Variants in ATP2A2 observed in about 807,000 individuals in gnomAD.
ATP2A2 encodes sarcoplasmic/endoplasmic reticulum calcium ATPase 2.
A neutral mutation model predicts 109.3 loss-of-function variants in ATP2A2; 14 were observed. The ratio of observed to expected loss-of-function variants is 0.13; its 90% CI spans 0.08 to 0.20. The LOEUF (loss-of-function observed/expected upper bound fraction) is 0.20. ATP2A2 is among the 10% of genes least tolerant of loss of function. The pLI, the probability that ATP2A2 is intolerant of heterozygous loss-of-function variation, is 1.00. For missense variants in ATP2A2, 657 were observed against 1,321.6 expected (o/e 0.50, Z 7.80); for synonymous variants, 506 against 490.9 (o/e 1.03, Z -0.41).
chr12:110,339,859 C>T lies in ATP2A2; in HGVS notation c.1761+138C>T, dbSNP rs1358681789. The T allele has an allele frequency of 2.3e-6, 2 of 878,110 alleles. No individual in the cohort carries two copies. Among genetic ancestry groups the T allele is most frequent in the Admixed American group, 2.3e-5 (1 of 44,068 alleles). 54.4% of individuals were successfully genotyped at this position (878,110 alleles called of 1,614,324 possible). A position where few individuals can be genotyped will look rare whatever the true frequency, so the allele number is the denominator to read the frequency against. ...GGTTATTTGTTTTTCTGCCTGCCAG[C>T]TGTGTCACCCTTAAAATTTGCTGCT... On this transcript the variant is annotated intron_variant, in intron 13 of 19. Coordinates refer to ENST00000539276, the MANE Select transcript of ATP2A2 (RefSeq NM_170665.4). This position sits in a 1 kb window ranked among gnomAD's most constrained non-coding sequence, Gnocchi z 4.4.
chr12:110,349,238 G>T lies in ATP2A2; in HGVS notation c.*2768G>T. Reference sequence around the variant, plus strand: ...ACCCATAAAGACCAGGTCCAGCACCGTGGTCTTGGCACATCCCTGGCCTCA... The same window carrying T: ...ACCCATAAAGACCAGGTCCAGCACCTTGGTCTTGGCACATCCCTGGCCTCA... On this transcript the variant is annotated 3_prime_UTR_variant, in exon 20 of 20. Transcript: ENST00000539276. 1 of 985,550 alleles carries T rather than the reference G, an allele frequency of 1.0e-6. No individual in the cohort carries two copies. The highest frequency in any genetic ancestry group is 1.2e-6 in the Non-Finnish European group (1 of 830,018). The allele number at this position is 985,550 out of a possible 1,614,324, so 61.1% of individuals were successfully genotyped here.
chr12:110,320,363 G>T (rs1488510607), intron 5 of ATP2A2, among the ~76,000 whole-genome samples: 1 of 152,170 alleles, frequency 6.6e-6, no homozygotes, highest in Non-Finnish European at 1.5e-5. Flanking sequence ...TTGGACAGAA[G>T]TCTTCTACTC....
Position 110,333,282 on chromosome 12 carries a change from A to G in ATP2A2, c.1286A>G (p.Glu429Gly). Reference sequence around the variant, plus strand: ...AATGACTCTGCTTTGGATTACAATGAGGTAAGTCTCTTCATAAATTAGAAG... The same window carrying G: ...AATGACTCTGCTTTGGATTACAATGGGGTAAGTCTCTTCATAAATTAGAAG... ...LCNDSALDYN[E>G]AKGVYEKVGE... is the part of the protein sequence containing the mutation. Residue 429 changes from glutamate (E) to glycine (G), a missense_variant and splice_region_variant, in exon 10 of 20, where the codon GAG (glutamate) becomes GGG (glycine). Physicochemically the swap from Glu to Gly is moderately conservative, Grantham distance 98 (BLOSUM62 -2). This residue lies in a region of ATP2A2 where 180 missense variants were observed against 329.1 expected (regional missense o/e 0.55). Coordinates refer to ENST00000539276, the MANE Select transcript of ATP2A2 (RefSeq NM_170665.4). The G allele has an allele frequency of 6.2e-7, 1 of 1,606,984 alleles. No homozygotes were observed. Among genetic ancestry groups the G allele is most frequent in the South Asian group, 1.1e-5 (1 of 90,926 alleles).
At position 110,339,441 on chromosome 12, in the gene ATP2A2, G is replaced by C; in HGVS notation, c.1542+38G>C. ...GATTGCAATTGAGATGTTCTTGCCA[G>C]GGTTAAGATCCCGGTGAACCAATAA... On this transcript the variant is annotated intron_variant, in intron 12 of 19. Transcript: ENST00000539276. The surrounding 1 kb of genome is among the most constrained non-coding windows in gnomAD (Gnocchi z 4.4). 1 of 1,614,142 alleles carries C rather than the reference G, an allele frequency of 6.2e-7. No homozygotes were observed.
intron 5 of ATP2A2, among the ~76,000 whole-genome samples, chr12:110,317,443 CTG>C (rs1449958040): frequency 3.3e-5 from 5 of 152,052 alleles, no homozygotes; most frequent in African/African-American, 9.7e-5. Context: ...TGGAGTCTCA[CTG>C]TGTCACCCAG....
intron 5 of ATP2A2, among the ~76,000 whole-genome samples, chr12:110,301,653 C>G (rs961074212): frequency 2.6e-5 from 4 of 152,348 alleles, no homozygotes; most frequent in Admixed American, 1.3e-4. Context: ...ATTCTCCACA[C>G]AAGTGCCAGA....
At chr12:110,344,370 T>A (rs1879641938) in intron 16 of ATP2A2, among the ~76,000 whole-genome samples, 1 of 152,202 alleles carries the variant, frequency 6.6e-6, no homozygotes, top group Non-Finnish European at 1.5e-5. Flanking sequence ...TCCCAGAAGC[T>A]GCTGAGGGCA....
chr12:110,349,153 G>A lies in ATP2A2; in HGVS notation c.*2683G>A, dbSNP rs1428708345. 10 of 985,376 alleles carry A rather than the reference G, an allele frequency of 1.0e-5. No homozygotes were observed. Among genetic ancestry groups the A allele is most frequent in the African/African-American group, 1.7e-5 (1 of 57,226 alleles). 61.0% of individuals were successfully genotyped at this position (985,376 alleles called of 1,614,324 possible). On this transcript the variant is annotated 3_prime_UTR_variant, in exon 20 of 20. Coordinates refer to ENST00000539276, the MANE Select transcript of ATP2A2 (RefSeq NM_170665.4). Reference sequence around the variant, plus strand: ...ACTGCTGTTTTGAGCAGGGCCACTTGCTCCATTTCACTGAAGGCTTTGCTG... The same window carrying A: ...ACTGCTGTTTTGAGCAGGGCCACTTACTCCATTTCACTGAAGGCTTTGCTG...
At chr12:110,302,061 G>A (rs1874713090) in intron 5 of ATP2A2, among the ~76,000 whole-genome samples, 1 of 152,092 alleles carries the variant, frequency 6.6e-6, no homozygotes, top group African/African-American at 2.4e-5. Context: ...AATAATGTTT[G>A]ATCTATAGTG....
chr12:110,331,005 A>C (rs1566231737), intron 8 of ATP2A2: 3 of 152,210 alleles, frequency 2.0e-5, no homozygotes, highest in Admixed American at 6.5e-5. Context: ...GCACTTTGGG[A>C]GGCCGAGGCG....
chr12:110,334,319 C>A, intron 11 of ATP2A2, 176 bp downstream of exon 11: 2 of 859,962 alleles, frequency 2.3e-6, no homozygotes, highest in Non-Finnish European at 1.8e-6. Context: ...TGTATTTGAC[C>A]AGGAAAATAA....
intron 3 of ATP2A2, among the ~76,000 whole-genome samples, chr12:110,288,101 CTTTTTTTTTT>C (rs71083111): frequency 1.7e-4 from 15 of 87,300 alleles, no homozygotes; most frequent in Middle Eastern, 0.011. Context: ...ATGCTTTGCC[CTTTTTTTTTT>C]TTTTTTTTTT....
At chr12:110,321,979 C>T (rs1165555071) in intron 5 of ATP2A2, among the ~76,000 whole-genome samples, 1 of 152,082 alleles carries the variant, frequency 6.6e-6, no homozygotes, top group Non-Finnish European at 1.5e-5. Context: ...GTTTATTATT[C>T]ATTTAATTGA....
rs931700833 is a variant in ATP2A2, at chr12:110,351,079, C to T, written c.*4609C>T. 6 of 152,324 alleles carry T rather than the reference C, an allele frequency of 3.9e-5. No individual in the cohort carries two copies. Among genetic ancestry groups the T allele is most frequent in the African/African-American group, 1.4e-4 (6 of 41,440 alleles). The allele number at this position is 152,324 out of a possible 1,614,324, so 9.4% of individuals were successfully genotyped here. A position where few individuals can be genotyped will look rare whatever the true frequency, so the allele number is the denominator to read the frequency against. On this transcript the variant is annotated 3_prime_UTR_variant, in exon 20 of 20. Transcript: ENST00000539276. Reference sequence around the variant, plus strand: ...CAGACATGGTTTCAGGTAAATAAATCTATTCTATGATAAATTCTCAGTGTG... The same window carrying T: ...CAGACATGGTTTCAGGTAAATAAATTTATTCTATGATAAATTCTCAGTGTG...
chr12:110,328,122 G>A (rs1877984685), intron 8 of ATP2A2, 105 bp downstream of exon 8: 5 of 1,177,356 alleles, frequency 4.2e-6, no homozygotes, highest in South Asian at 3.9e-5. Context: ...ATACATTTCT[G>A]TGGGCTGTAT....
Position 110,347,625 on chromosome 12 carries a change from A to G in ATP2A2, c.*1155A>G. 1 of 1,206,296 alleles carries G rather than the reference A, an allele frequency of 8.3e-7. No homozygotes were observed. The highest frequency in any genetic ancestry group is 1.1e-6 in the Non-Finnish European group (1 of 948,414). The allele number at this position is 1,206,296 out of a possible 1,614,324, so 74.7% of individuals were successfully genotyped here. A position where few individuals can be genotyped will look rare whatever the true frequency, so the allele number is the denominator to read the frequency against. On this transcript the variant is annotated 3_prime_UTR_variant, in exon 20 of 20. Coordinates refer to ENST00000539276, the MANE Select transcript of ATP2A2 (RefSeq NM_170665.4). ...GTAAATAGCACATGACCAAATGAAC[A>G]TATTGTATAGAACTATTTTTATTTG...
intron 5 of ATP2A2, among the ~76,000 whole-genome samples, chr12:110,308,673 TTGAC>T (rs1875646891): frequency 6.6e-6 from 1 of 152,236 alleles, no homozygotes; most frequent in South Asian, 2.1e-4. Context: ...AGTAATCAAA[TTGAC>T]TGTGCAATCT....
intron 3 of ATP2A2, among the ~76,000 whole-genome samples, chr12:110,291,745 C>G (rs1462167287): frequency 8.1e-5 from 12 of 148,888 alleles, no homozygotes. Context: ...TCCCCAGGTT[C>G]AAGTGATTCT....
chr12:110,311,430 A>C (rs1876021980), intron 5 of ATP2A2, among the ~76,000 whole-genome samples: 1 of 151,884 alleles, frequency 6.6e-6, no homozygotes, highest in African/African-American at 2.4e-5. Context: ...CTCTACTAAA[A>C]ATACAAAAAT....
Sources: allele counts gnomAD v4.1 joint callset (sites outside exome capture counted in the v4.1 genomes callset), GRCh38; gene constraint gnomAD v4.1.1; regional missense constraint gnomAD v4.1.1; non-coding constraint Gnocchi (gnomAD v3.1); transcripts MANE v1.5; gene names NCBI Gene and HGNC (gene_info 2026-07-23, HGNC 2026-07-21).